UTRN: variants seen among roughly 807,000 people sequenced by gnomAD.
UTRN encodes dystrophin-related protein 1.
UTRN carries 283 observed loss-of-function variants against 463.9 expected under a neutral mutation model. The ratio of observed to expected loss-of-function variants is 0.61; its 90% CI spans 0.55 to 0.67. The LOEUF (loss-of-function observed/expected upper bound fraction) is 0.67, where lower values mean the gene tolerates loss of function less well. Among genes scored for constraint, UTRN ranks in the 30% least tolerant of loss-of-function variants. The pLI is 0.00. For missense variants in UTRN, 3,922 were observed against 4,084.3 expected, an observed-to-expected ratio of 0.96 and a Z score of 1.08; for synonymous variants, 1,442 against 1,431.5, an observed-to-expected ratio of 1.01 and a Z score of -0.17.
chr6:144,661,488 A>G (rs926596790), intron 51 of UTRN, among the ~76,000 whole-genome samples: 1 of 152,096 alleles, frequency 6.6e-6, no homozygotes, highest in Non-Finnish European at 1.5e-5. Context: ...TCGCTTTAAT[A>G]TGTGGTTAAG....
chr6:144,740,365 C>T (rs947454317), intron 54 of UTRN, among the ~76,000 whole-genome samples: 4 of 152,242 alleles, frequency 2.6e-5, no homozygotes, highest in Non-Finnish European at 5.9e-5. Flanking sequence ...TGAAATACCA[C>T]GCTGCATAAT....
At chr6:144,635,535 C>CTTTTTTTTTTTTTT (rs1219903798) in intron 51 of UTRN, among the ~76,000 whole-genome samples, 6 of 33,184 alleles carry the variant, frequency 1.8e-4, no homozygotes, top group African/African-American at 5.1e-4. Flanking sequence ...TTTTTCTTTT[C>CTTTTTTTTTTTTTT]TTTTTTTTTT....
intron 50 of UTRN, among the ~76,000 whole-genome samples, chr6:144,575,992 T>A (rs924441953): frequency 3.3e-5 from 5 of 152,224 alleles, no homozygotes; most frequent in Non-Finnish European, 4.4e-5. Flanking sequence ...GGAAATTTTG[T>A]ATAAATGGAA....
At chr6:144,561,240 TATATATATATATATATATATACATAC>T (rs1226793171) in intron 50 of UTRN, among the ~76,000 whole-genome samples, 54 of 78,062 alleles carry the variant, frequency 6.9e-4, no homozygotes, top group African/African-American at 2.5e-3. Flanking sequence ...TATATATATA[TATATATATATATATATATATACATAC>T]ACACACACAC....
intron 2 of UTRN, among the ~76,000 whole-genome samples, chr6:144,390,552 A>G (rs1437157735): frequency 3.9e-5 from 6 of 152,166 alleles, no homozygotes; most frequent in Admixed American, 3.9e-4. Context: ...TCCAAAATTC[A>G]GTGGCATCAC....
chr6:144,771,573 C>T (rs1412714383), intron 58 of UTRN, among the ~76,000 whole-genome samples: 4 of 151,778 alleles, frequency 2.6e-5, no homozygotes, highest in African/African-American at 9.7e-5. Context: ...CTACAGGCAC[C>T]CACCACCATA....
At chr6:144,511,226 G>C in intron 35 of UTRN, 103 bp downstream of exon 35, 6 of 1,106,232 alleles carry the variant, frequency 5.4e-6, no homozygotes, top group Non-Finnish European at 6.0e-6. Flanking sequence ...TTTACTGTGT[G>C]TCACAGTGAT....
At chr6:144,552,340 T>G (rs1798996833) in intron 48 of UTRN, among the ~76,000 whole-genome samples, 1 of 152,348 alleles carries the variant, frequency 6.6e-6, no homozygotes, top group African/African-American at 2.4e-5. Context: ...TTTTTATGAA[T>G]GGATGGATTG....
intron 58 of UTRN, among the ~76,000 whole-genome samples, chr6:144,769,317 GT>G: frequency 6.6e-6 from 1 of 151,912 alleles, no homozygotes; most frequent in Non-Finnish European, 1.5e-5. Flanking sequence ...TGCATTGCCT[GT>G]TTTTTTTATT....
intron 50 of UTRN, among the ~76,000 whole-genome samples, 182 bp downstream of exon 50, chr6:144,557,493 CA>C (rs1164654997): frequency 1.3e-5 from 2 of 152,040 alleles, no homozygotes; most frequent in Non-Finnish European, 2.9e-5. Flanking sequence ...TATGCTTATA[CA>C]ATATGTTTTT....
intron 6 of UTRN, 135 bp from the exon 7 acceptor site, chr6:144,426,152 A>G (rs1171315450): frequency 9.2e-7 from 1 of 1,084,052 alleles, no homozygotes; most frequent in Non-Finnish European, 1.3e-6. Flanking sequence ...AAAAATCTGA[A>G]GTAAAATGAA....
At chr6:144,558,098 G>A (rs553842327) in intron 50 of UTRN, among the ~76,000 whole-genome samples, 32 of 152,272 alleles carry the variant, frequency 2.1e-4, no homozygotes, top group African/African-American at 7.2e-4. Flanking sequence ...CTATTTTGAC[G>A]TGAATAAAAT....
intron 51 of UTRN, among the ~76,000 whole-genome samples, chr6:144,633,588 T>C (rs1776778234): frequency 6.6e-6 from 1 of 152,220 alleles, no homozygotes. Context: ...CATTGAATGA[T>C]GTATTGTTTT....
intron 29 of UTRN, among the ~76,000 whole-genome samples, chr6:144,487,898 A>G (rs1346743670): frequency 5.3e-5 from 8 of 152,242 alleles, no homozygotes. Context: ...GAACTGGATG[A>G]TTAAAAAAAT....
At position 144,557,185 on chromosome 6, in the gene UTRN, A is replaced by T; in HGVS notation, c.7163A>T (p.Asp2388Val). Residue 2388 changes from aspartate to valine, a missense_variant, in exon 50 of 75, where the codon GAT becomes GTT. Asp to Val is a radical substitution (Grantham distance 152, BLOSUM62 -3). Transcript: ENST00000367545. ...QILLQELGPG[D>V]GIVMAFDNVL... ...CTGCTTCAAGAACTGGGTCCTGGAG[A>T]TGGTATCGTCATGGCGTTCGATAAC... is the stretch of plus-strand genomic sequence containing the variant. 6.2e-7 allele frequency: 1 copy of T among 1,613,906 alleles called. No homozygotes were observed. Among genetic ancestry groups the T allele is most frequent in the Non-Finnish European group, 8.5e-7 (1 of 1,179,850 alleles).
intron 58 of UTRN, among the ~76,000 whole-genome samples, chr6:144,761,395 C>A (rs1399590277): frequency 1.3e-5 from 2 of 152,002 alleles, no homozygotes; most frequent in East Asian, 3.9e-4. Flanking sequence ...GTGGCTCATG[C>A]TTATAATCCT....
intron 3 of UTRN, among the ~76,000 whole-genome samples, chr6:144,411,369 TG>T (rs1408583528): frequency 1.3e-5 from 2 of 152,336 alleles, no homozygotes; most frequent in African/African-American, 4.8e-5. Context: ...TTTTGAGAAT[TG>T]TCCATTCATG....
intron 23 of UTRN, among the ~76,000 whole-genome samples, chr6:144,468,622 G>C (rs1011005435): frequency 6.6e-6 from 1 of 151,896 alleles, no homozygotes; most frequent in Non-Finnish European, 1.5e-5. Flanking sequence ...GTGTGCATGC[G>C]TGTGTTCTGT....
intron 27 of UTRN, among the ~76,000 whole-genome samples, chr6:144,484,432 C>CTTTTTTTTTTTTTTTTTTT (rs765122659): frequency 1.5e-5 from 1 of 66,254 alleles, no homozygotes; most frequent in East Asian, 3.8e-4. Context: ...AAAAACCAAA[C>CTTTTTTTTTTTTTTTTTTT]TTTTTTTTTT....
Sources: gnomAD v4.1 joint callset for allele counts (sites outside exome capture counted in the v4.1 genomes callset) on GRCh38, gnomAD v4.1.1 for gene constraint, MANE v1.5 for transcripts, NCBI Gene and HGNC (gene_info 2026-07-23, HGNC 2026-07-21) for gene names.